Variants in IKZF2 observed in about 807,000 individuals in gnomAD.
IKZF2 encodes the protein zinc finger protein Helios.
A neutral mutation model predicts 49.2 loss-of-function variants in IKZF2; 15 were observed. That is an observed-to-expected ratio of 0.30 (90% CI 0.20 to 0.47). The LOEUF (loss-of-function observed/expected upper bound fraction) is 0.47, where lower values mean the gene tolerates loss of function less well. IKZF2 is among the 20% of genes least tolerant of loss of function. The pLI is 1.00. For synonymous variants in IKZF2, 227 were observed against 221.4 expected, an observed-to-expected ratio of 1.03 and a Z score of -0.23; for missense variants, 567 against 664.6, an observed-to-expected ratio of 0.85 and a Z score of 1.61.
intron 4 of IKZF2, among the ~76,000 whole-genome samples, chr2:213,080,674 T>A (rs1703847121): frequency 6.6e-6 from 1 of 152,196 alleles, no homozygotes; most frequent in South Asian, 2.1e-4. Flanking sequence ...ATGTATCTAG[T>A]GAATATTTTT....
intron 4 of IKZF2, among the ~76,000 whole-genome samples, chr2:213,087,854 G>A (rs891098368): frequency 6.6e-6 from 1 of 152,164 alleles, no homozygotes; most frequent in Non-Finnish European, 1.5e-5. Flanking sequence ...TGGCTGCATA[G>A]TATTTATTCC....
chr2:213,115,865 T>G (rs2059853972), intron 4 of IKZF2, among the ~76,000 whole-genome samples: 1 of 152,124 alleles, frequency 6.6e-6, no homozygotes, highest in South Asian at 2.1e-4. Flanking sequence ...TTTAAAGCAT[T>G]TAGCAAATAA....
intron 4 of IKZF2, among the ~76,000 whole-genome samples, chr2:213,096,748 G>A (rs1479703764): frequency 3.3e-5 from 5 of 151,878 alleles, no homozygotes; most frequent in South Asian, 2.1e-4. Flanking sequence ...AGAGGCAAGC[G>A]CATTATAAAG....
Position 213,044,383 on chromosome 2 carries a change from G to C in IKZF2, c.574+5330C>G, listed in dbSNP as rs532803219. The stretch of plus-strand genomic sequence containing the variant: ...CACTTGAGTGTCTTACTGTTTTCTT[G>C]TCAGGATCCTGACTGATAAAGAGTT... On this transcript the variant is annotated intron_variant, in intron 6 of 8. Transcript: ENST00000434687. Among the ~76,000 whole-genome samples, 95 of 152,080 alleles carry C rather than the reference G, an allele frequency of 6.2e-4. 3 individuals carry two copies. In the South Asian group the frequency reaches 0.018, roughly 29 times the overall value.
At chr2:213,108,947 C>T (rs6755084) in intron 4 of IKZF2, among the ~76,000 whole-genome samples, 9 of 151,724 alleles carry the variant, frequency 5.9e-5, no homozygotes, top group African/African-American at 1.9e-4. Flanking sequence ...ATATATGGCA[C>T]GCTTTTCTTT....
intron 4 of IKZF2, among the ~76,000 whole-genome samples, chr2:213,131,574 G>C (rs2060474391): frequency 6.6e-6 from 1 of 152,174 alleles, no homozygotes; most frequent in African/African-American, 2.4e-5. Flanking sequence ...AAATTCTAGA[G>C]TGACACTGGC....
intron 4 of IKZF2, among the ~76,000 whole-genome samples, chr2:213,092,730 C>T (rs11890319): frequency 0.14 from 21,745 of 152,100 alleles, 3,503 homozygotes; most frequent in African/African-American, 0.4. Context: ...TATCATCAGC[C>T]CCATGAGTTC....
At chr2:213,017,614 C>A (rs867522978) in intron 7 of IKZF2, among the ~76,000 whole-genome samples, 1 of 152,144 alleles carries the variant, frequency 6.6e-6, no homozygotes, top group Non-Finnish European at 1.5e-5. Flanking sequence ...CATGGAGGTA[C>A]CCCAAGTGTT....
chr2:213,110,394 A>G (rs2059662917), intron 4 of IKZF2, among the ~76,000 whole-genome samples: 1 of 151,930 alleles, frequency 6.6e-6, no homozygotes, highest in Non-Finnish European at 1.5e-5. Context: ...TATAATTATT[A>G]GTAAACATTT....
At chr2:213,069,381 C>T (rs1702467997) in intron 4 of IKZF2, among the ~76,000 whole-genome samples, 1 of 152,068 alleles carries the variant, frequency 6.6e-6, no homozygotes, top group Non-Finnish European at 1.5e-5. Flanking sequence ...TTATTTTAAT[C>T]TTCTTCCACC....
chr2:213,141,859 T>C (rs1218700163), intron 4 of IKZF2, among the ~76,000 whole-genome samples: 1 of 152,050 alleles, frequency 6.6e-6, no homozygotes, highest in African/African-American at 2.4e-5. Context: ...ATTTATTGAA[T>C]TGATCAACTA....
chr2:213,051,612 A>G (rs142071083), intron 5 of IKZF2, among the ~76,000 whole-genome samples: 1,850 of 152,026 alleles, frequency 0.012, 19 homozygotes, highest in Non-Finnish European at 0.02. Context: ...ATACAACTTG[A>G]TTATTTGATT....
At chr2:213,064,407 C>G (rs1159450464) in intron 4 of IKZF2, among the ~76,000 whole-genome samples, 1 of 151,920 alleles carries the variant, frequency 6.6e-6, no homozygotes, top group African/African-American at 2.4e-5. Context: ...AAAGTTTCCT[C>G]CCTACTTTCA....
intron 4 of IKZF2, among the ~76,000 whole-genome samples, chr2:213,096,574 T>C (rs1302991625): frequency 3.3e-5 from 5 of 151,994 alleles, no homozygotes; most frequent in African/African-American, 9.7e-5. Context: ...TTTAAGACTA[T>C]ATATACTTCA....
intron 4 of IKZF2, among the ~76,000 whole-genome samples, chr2:213,109,177 ATT>A (rs1349789595): frequency 3.3e-5 from 5 of 152,130 alleles, no homozygotes; most frequent in Non-Finnish European, 7.4e-5. Context: ...GAGGAGACTT[ATT>A]TTAGAAGTGA....
At chr2:213,047,126 T>C (rs1047684418) in intron 6 of IKZF2, among the ~76,000 whole-genome samples, 3 of 152,172 alleles carry the variant, frequency 2.0e-5, no homozygotes, top group African/African-American at 7.2e-5. Context: ...TTCTCTTCAA[T>C]ATTTTTGCAA....
At chr2:213,080,886 G>C (rs1437920482) in intron 4 of IKZF2, among the ~76,000 whole-genome samples, 1 of 152,016 alleles carries the variant, frequency 6.6e-6, no homozygotes, top group African/African-American at 2.4e-5. Context: ...CATTTAATAA[G>C]GGATGAAATG....
chr2:213,134,148 G>A (rs1354834864), intron 4 of IKZF2, among the ~76,000 whole-genome samples: 2 of 152,150 alleles, frequency 1.3e-5, no homozygotes, highest in African/African-American at 2.4e-5. Context: ...AACCCTCAGT[G>A]CCTGTGTCTT....
Position 213,031,208 on chromosome 2 carries a change from G to A in IKZF2, c.575-9078C>T, listed in dbSNP as rs531920987. Among the ~76,000 whole-genome samples, 19 of 152,278 alleles carry A rather than the reference G, an allele frequency of 1.2e-4. No individual in the cohort carries two copies. The East Asian group carries it at 3.3e-3, about 26-fold the overall frequency. On this transcript the variant is annotated intron_variant, in intron 6 of 8. Transcript: ENST00000434687. ...CTAGTTCCTTTAACATAAATTTCTT[G>A]AGCACCTCCAGTATTCCATGTCCAC...
Sources: gnomAD v4.1 joint callset for allele counts (sites outside exome capture counted in the v4.1 genomes callset) on GRCh38, gnomAD v4.1.1 for gene constraint, MANE v1.5 for transcripts, NCBI Gene and HGNC (gene_info 2026-07-23, HGNC 2026-07-21) for gene names.